Variants in HTR4 observed in about 807,000 individuals in gnomAD.
HTR4 encodes 5-hydroxytryptamine receptor 4, also known as 5-hydroxytryptamine (serotonin) receptor 4, G protein-coupled.
HTR4 carries 16 observed loss-of-function variants against 36.8 expected under a neutral mutation model. The observed-to-expected ratio is 0.43, with a 90% confidence interval of 0.29 to 0.66. HTR4 has a LOEUF of 0.66. Among genes scored for constraint, HTR4 ranks in the 30% least tolerant of loss-of-function variants. The pLI is 0.13. For synonymous variants in HTR4, 189 were observed against 185.1 expected (o/e 1.02, Z -0.17); for missense variants, 438 against 490.9 (o/e 0.89, Z 1.02).
At chr5:148,525,174 C>T (rs536428277) in intron 4 of HTR4, among the ~76,000 whole-genome samples, 3 of 152,260 alleles carry the variant, frequency 2.0e-5, no homozygotes, top group Admixed American at 6.5e-5. Context: ...TTGAAAGAAT[C>T]ATGATTAGCT....
At chr5:148,588,527 CTTTTTTTTTTTT>C (rs35749777) in intron 2 of HTR4, among the ~76,000 whole-genome samples, 18,470 of 110,878 alleles carry the variant, frequency 0.17, 1,479 homozygotes, top group African/African-American at 0.25. Flanking sequence ...GGTTTTAATT[CTTTTTTTTTTTT>C]TTTTTTTTTT....
chr5:148,521,038 G>A (rs1757989569), intron 5 of HTR4: 4 of 1,359,470 alleles, frequency 2.9e-6, no homozygotes, highest in Middle Eastern at 2.4e-4. Context: ...CTGTCTTGAG[G>A]GTCCTGTTGC....
chr5:148,519,354 T>C (rs966534033), intron 5 of HTR4, among the ~76,000 whole-genome samples: 1 of 152,154 alleles, frequency 6.6e-6, no homozygotes, highest in Non-Finnish European at 1.5e-5. Flanking sequence ...CAACCCTGCA[T>C]TGGGTTGGTG....
Position 148,626,687 on chromosome 5 carries a change from C to T in HTR4, c.26+10302G>A, listed in dbSNP as rs189835123. 1.2e-3 allele frequency among the ~76,000 whole-genome samples: 190 copies of T among 152,210 alleles called. 1 individual carries two copies. The highest frequency in any genetic ancestry group is 4.3e-3 in the African/African-American group (180 of 41,540). On this transcript the variant is annotated intron_variant, in intron 2 of 6. Coordinates refer to ENST00000377888, the MANE Select transcript of HTR4 (RefSeq NM_000870.7). ...TTGCAAATGAGAGAATAAAATGATC[C>T]CTTTGGTCAGAAGAAGGCAGAGCTT...
At chr5:148,640,504 C>T (rs1040180790) in intron 1 of HTR4, among the ~76,000 whole-genome samples, 1 of 152,184 alleles carries the variant, frequency 6.6e-6, no homozygotes, top group African/African-American at 2.4e-5. Flanking sequence ...ATTGCCACCC[C>T]ATGGGAGGAG....
intron 2 of HTR4, among the ~76,000 whole-genome samples, chr5:148,570,500 A>G (rs1166333809): frequency 6.6e-6 from 1 of 152,128 alleles, no homozygotes; most frequent in Non-Finnish European, 1.5e-5. Flanking sequence ...AAAGAGGAAT[A>G]GAAGTTGACA....
At chr5:148,630,275 A>C (rs1247552216) in intron 2 of HTR4, 1 of 152,212 alleles carries the variant, frequency 6.6e-6, no homozygotes. Flanking sequence ...AGGGGTCACC[A>C]ATCAAGGGAA....
At chr5:148,555,447 C>T (rs752129113) in intron 2 of HTR4, among the ~76,000 whole-genome samples, 6 of 152,100 alleles carry the variant, frequency 3.9e-5, no homozygotes, top group Admixed American at 1.3e-4. Context: ...CTAGGAGTGA[C>T]GAGCAAAATT....
intron 5 of HTR4, among the ~76,000 whole-genome samples, chr5:148,470,482 A>T (rs1237195279): frequency 1.3e-5 from 2 of 152,192 alleles, no homozygotes; most frequent in Non-Finnish European, 2.9e-5. Flanking sequence ...GAAGGGCTAG[A>T]TGTAAGTATT....
intron 5 of HTR4, among the ~76,000 whole-genome samples, chr5:148,470,594 T>G (rs922964328): frequency 6.6e-6 from 1 of 152,238 alleles, no homozygotes; most frequent in Non-Finnish European, 1.5e-5. Context: ...CCTTTACAAA[T>G]GCAGAAAACA....
chr5:148,594,703 T>A, intron 2 of HTR4, among the ~76,000 whole-genome samples: 1 of 152,134 alleles, frequency 6.6e-6, no homozygotes. Flanking sequence ...ACCCAGTCAC[T>A]GTTCAAATGA....
intron 4 of HTR4, among the ~76,000 whole-genome samples, chr5:148,532,508 G>C (rs1758620731): frequency 6.6e-6 from 1 of 152,172 alleles, no homozygotes; most frequent in South Asian, 2.1e-4. Context: ...ATGTGAACAG[G>C]CATATCTAGC....
Position 148,552,550 on chromosome 5 carries a change from T to G in HTR4, c.27-2288A>C, listed in dbSNP as rs780890414. Among the ~76,000 whole-genome samples the G allele has an allele frequency of 3.9e-5, 6 of 152,334 alleles. No homozygotes were observed. The South Asian group carries it at 1.2e-3, about 32-fold the overall frequency. On this transcript the variant is annotated intron_variant, in intron 2 of 6. Coordinates refer to ENST00000377888, the MANE Select transcript of HTR4 (RefSeq NM_000870.7). ...TCATCTCTTCCACCCCCAGGGCCTC[T>G]GTATTTGAGGTGCCTTCTTCCTGGA...
chr5:148,544,028 T>G (rs1006131389), intron 4 of HTR4, among the ~76,000 whole-genome samples: 2 of 152,148 alleles, frequency 1.3e-5, no homozygotes, highest in African/African-American at 4.8e-5. Context: ...AAAAGGCTAT[T>G]GTGGATGGAC....
At chr5:148,505,639 A>C (rs1485587598) in intron 6 of HTR4, among the ~76,000 whole-genome samples, 1 of 152,196 alleles carries the variant, frequency 6.6e-6, no homozygotes, top group African/African-American at 2.4e-5. Flanking sequence ...GTCTCAGCCC[A>C]AAATCTCCTT....
rs1187538041 is a variant in HTR4 at position 148,454,821 on chromosome 5, C to T, written c.1077-3549G>A. Among the ~76,000 whole-genome samples the T allele has an allele frequency of 4.6e-5, 7 of 152,092 alleles. No individual in the cohort carries two copies. In the South Asian group the frequency reaches 6.2e-4, roughly 14 times the overall value. On this transcript the variant is annotated intron_variant, in intron 5 of 5. Transcript: ENST00000521530. ...TCTCCTGAGTGTCATGACGGGTGAG[C>T]GCAGGCCTGGCCAGGACCAAGGTCA... is the stretch of plus-strand genomic sequence containing the variant.
chr5:148,603,817 A>C (rs1017019889), intron 2 of HTR4, among the ~76,000 whole-genome samples: 6 of 152,126 alleles, frequency 3.9e-5, no homozygotes, highest in Non-Finnish European at 5.9e-5. Flanking sequence ...GAAATAAGAT[A>C]GGGTGATATT....
chr5:148,490,724 T>C (rs760502313), intron 6 of HTR4: 10 of 1,266,172 alleles, frequency 7.9e-6, no homozygotes, highest in Non-Finnish European at 1.0e-5. Context: ...AGGAACTCCC[T>C]AGTAAGGCAA....
intron 1 of HTR4, among the ~76,000 whole-genome samples, chr5:148,637,520 C>T (rs1753587385): frequency 6.6e-6 from 1 of 152,098 alleles, no homozygotes; most frequent in Non-Finnish European, 1.5e-5. Flanking sequence ...ATCTAGTAAA[C>T]TCTTGAGAAC....
Sources: gnomAD v4.1 joint callset for allele counts (sites outside exome capture counted in the v4.1 genomes callset) on GRCh38, gnomAD v4.1.1 for gene constraint, MANE v1.5 for transcripts, NCBI Gene and HGNC (gene_info 2026-07-23, HGNC 2026-07-21) for gene names.